Variants in PAXBP1 observed in about 807,000 individuals in gnomAD.
PAXBP1 encodes the protein PAX3 and PAX7 binding protein 1, also known as PAX3- and PAX7-binding protein 1.
In PAXBP1, 44 loss-of-function variants were observed where a neutral mutation model predicts 119.9. The observed-to-expected ratio is 0.37, with a 90% CI of 0.29 to 0.47. The LOEUF is 0.47. Among genes scored for constraint, PAXBP1 ranks in the 20% least tolerant of loss-of-function variants. The probability of loss-of-function intolerance (pLI) is 0.99; values close to 1 mark genes in which losing one functional copy is unlikely to be tolerated. For missense variants in PAXBP1, 898 were observed against 1,134.1 expected, an observed-to-expected ratio of 0.79 and a Z score of 2.99; for synonymous variants, 393 against 406.6, an observed-to-expected ratio of 0.97 and a Z score of 0.40.
chr21:32,769,220 G>C (rs2146529855), intron 2 of PAXBP1, among the ~76,000 whole-genome samples: 1 of 152,176 alleles, frequency 6.6e-6, no homozygotes, highest in Non-Finnish European at 1.5e-5. Context: ...TATTATACTG[G>C]ATCCACTTTC....
chr21:32,742,963 G>T, intron 15 of PAXBP1: 1 of 540,134 alleles, frequency 1.9e-6, no homozygotes. Context: ...ATGGATACAG[G>T]GAGGACTACT....
In PAXBP1 at chr21:32,735,081, A is replaced by C; in HGVS notation, c.2637-14T>G. 1 of 1,559,926 alleles carries C rather than the reference A, an allele frequency of 6.4e-7. No homozygotes were observed. The highest frequency in any genetic ancestry group is 8.8e-7 in the Non-Finnish European group (1 of 1,134,186). On this transcript the variant is annotated splice_polypyrimidine_tract_variant and intron_variant, in intron 17 of 17. Transcript: ENST00000331923. Reference sequence around the variant, plus strand: ...TTTATGTTTTCCCTAAAAGAAAAAAATATAGCAGCATCTCATTAATTAGTA... The same window carrying C: ...TTTATGTTTTCCCTAAAAGAAAAAACTATAGCAGCATCTCATTAATTAGTA...
At chr21:32,746,122 T>G (rs1469229909) in intron 11 of PAXBP1, among the ~76,000 whole-genome samples, 1 of 152,196 alleles carries the variant, frequency 6.6e-6, no homozygotes, top group Non-Finnish European at 1.5e-5. Context: ...TAAGTCAAGA[T>G]GGATTAAAGA....
intron 11 of PAXBP1, among the ~76,000 whole-genome samples, chr21:32,746,965 C>T (rs2043882300): frequency 6.6e-6 from 1 of 151,924 alleles, no homozygotes; most frequent in Admixed American, 6.6e-5. Context: ...AGCCATTATC[C>T]TCAGCAAACT....
chr21:32,760,769 T>C (rs1382473250), intron 5 of PAXBP1, among the ~76,000 whole-genome samples: 7 of 152,150 alleles, frequency 4.6e-5, no homozygotes, highest in Non-Finnish European at 1.0e-4. Context: ...CGGGTAATGC[T>C]AATGCTAACT....
chr21:32,738,013 A>AGG (rs2043719208), intron 16 of PAXBP1, among the ~76,000 whole-genome samples, 160 bp downstream of exon 16: 1 of 152,184 alleles, frequency 6.6e-6, no homozygotes. Context: ...AAAATGCTGT[A>AGG]GGGGGTTGGA....
At chr21:32,737,602 C>T (rs568680311) in intron 16 of PAXBP1, 194 bp from the exon 17 acceptor site, 147 of 412,162 alleles carry the variant, frequency 3.6e-4, no homozygotes, top group African/African-American at 2.8e-3. Flanking sequence ...AAATTTTTAC[C>T]CCAACCAATG....
chr21:32,764,641 A>T (rs907478584), intron 2 of PAXBP1, 117 bp from the exon 3 acceptor site: 1 of 704,606 alleles, frequency 1.4e-6, no homozygotes, highest in African/African-American at 1.8e-5. Context: ...GGAACTTTTC[A>T]TTCAATTATG....
At chr21:32,741,500 A>T (rs569992244) in intron 15 of PAXBP1, 6 of 775,422 alleles carry the variant, frequency 7.7e-6, no homozygotes, top group South Asian at 6.8e-5. Flanking sequence ...AAAAGGTATG[A>T]TCTACTGCTC....
intron 15 of PAXBP1, among the ~76,000 whole-genome samples, chr21:32,738,840 A>C (rs2146466060): frequency 6.6e-6 from 1 of 152,284 alleles, no homozygotes; most frequent in African/African-American, 2.4e-5. Flanking sequence ...GCCCCATCCC[A>C]TCCCACCATA....
rs577051207 is a variant in PAXBP1, at chr21:32,743,329, G to A, written c.2268-15C>T. The A allele has an allele frequency of 7.4e-6, 11 of 1,492,314 alleles. 1 individual carries two copies. The Admixed American group carries it at 1.7e-4, about 22-fold the overall frequency. 92.4% of individuals were successfully genotyped at this position (1,492,314 alleles called of 1,614,324 possible). On this transcript the variant is annotated splice_polypyrimidine_tract_variant and intron_variant, in intron 14 of 17. Transcript: ENST00000331923. ...TTTCTAAGACACTAAGTAAAAAAAA[G>A]AGAAACATATCATGATCAGATATTT...
intron 13 of PAXBP1, among the ~76,000 whole-genome samples, chr21:32,744,014 C>A (rs2043829750): frequency 6.6e-6 from 1 of 152,140 alleles, no homozygotes; most frequent in Admixed American, 6.5e-5. Context: ...CATAATCTAG[C>A]TCTCAAAGTG....
intron 2 of PAXBP1, 49 bp downstream of exon 2, chr21:32,769,765 G>T: frequency 6.3e-7 from 1 of 1,581,904 alleles, no homozygotes. Context: ...CTGTGAGAAA[G>T]AGCTTTCATT....
At chr21:32,755,482 A>G in intron 7 of PAXBP1, 129 bp from the exon 8 acceptor site, 1 of 1,197,822 alleles carries the variant, frequency 8.3e-7, no homozygotes, top group Non-Finnish European at 1.1e-6. Flanking sequence ...AATCCCCAAC[A>G]GCACACAAGT....
intron 7 of PAXBP1, chr21:32,756,561 G>A (rs750704024): frequency 9.4e-6 from 3 of 317,778 alleles, no homozygotes; most frequent in Non-Finnish European, 1.8e-5. Context: ...GATTATCCTT[G>A]ATAGCTGAGT....
intron 7 of PAXBP1, among the ~76,000 whole-genome samples, chr21:32,758,671 TAAA>T (rs564265648): frequency 1.9e-3 from 251 of 135,172 alleles, no homozygotes; most frequent in Middle Eastern, 8.3e-3. Context: ...AAAAAACTAA[TAAA>T]AATTTGCAAC....
intron 8 of PAXBP1, 40 bp from the exon 9 acceptor site, chr21:32,751,258 A>T (rs757998902): frequency 1.3e-6 from 2 of 1,579,060 alleles, no homozygotes; most frequent in South Asian, 2.2e-5. Flanking sequence ...GCCATCTTTC[A>T]ACAATCTTGA....
At chr21:32,759,668 G>A in intron 6 of PAXBP1, 109 bp downstream of exon 6, 1 of 904,282 alleles carries the variant, frequency 1.1e-6, no homozygotes. Context: ...TTGAAGCTGG[G>A]CCAGTGAATC....
At chr21:32,751,808 GTTTTA>G (rs1392598509) in intron 8 of PAXBP1, 3 of 152,104 alleles carry the variant, frequency 2.0e-5, no homozygotes, top group Admixed American at 2.0e-4. Flanking sequence ...TCACAGCATA[GTTTTA>G]TTTTATTTTT....
Sources: gnomAD v4.1 joint callset for allele counts (sites outside exome capture counted in the v4.1 genomes callset) on GRCh38, gnomAD v4.1.1 for gene constraint, MANE v1.5 for transcripts, NCBI Gene and HGNC (gene_info 2026-07-23, HGNC 2026-07-21) for gene names.